Variants in FAM107B observed in about 807,000 individuals in gnomAD.
The protein encoded by FAM107B is protein FAM107B.
In FAM107B, 21 loss-of-function variants were observed where a neutral mutation model predicts 31.5. The observed-to-expected ratio is 0.67, with a 90% confidence interval of 0.47 to 0.96. The LOEUF (loss-of-function observed/expected upper bound fraction) is 0.96, where lower values mean the gene tolerates loss of function less well. Among genes scored for constraint, FAM107B ranks in the 40% least tolerant of loss-of-function variants. The pLI is 0.00. For missense variants in FAM107B, 452 were observed against 377.1 expected (o/e 1.20, Z -1.64); for synonymous variants, 157 against 141.5 (o/e 1.11, Z -0.78).
intron 1 of FAM107B, among the ~76,000 whole-genome samples, chr10:14,749,894 C>T (rs1479213622): frequency 6.6e-6 from 1 of 152,180 alleles, no homozygotes; most frequent in African/African-American, 2.4e-5. Context: ...GAGAATGAAA[C>T]CTAAGGTCAG....
At chr10:14,606,053 T>A (rs1852581342) in intron 2 of FAM107B, among the ~76,000 whole-genome samples, 1 of 152,090 alleles carries the variant, frequency 6.6e-6, no homozygotes, top group African/African-American at 2.4e-5. Context: ...ATGCTCAGTT[T>A]CCTCCTCTGC....
At position 14,756,817 on chromosome 10, in the gene FAM107B, T is replaced by A. The variant is rs12268228; in HGVS notation, c.411+17436A>T. On this transcript the variant is annotated intron_variant, in intron 1 of 4. Transcript: ENST00000181796. ...AAATGTGGTATATATGCACCATGGA[T>A]TACTATGCAGCCATAAAAAGAAACG... Among the ~76,000 whole-genome samples the A allele has an allele frequency of 6.9e-3, 1,052 of 152,248 alleles. 13 individuals are homozygous for A. The highest frequency in any genetic ancestry group is 0.024 in the African/African-American group (1,015 of 41,562).
intron 1 of FAM107B, among the ~76,000 whole-genome samples, chr10:14,699,066 G>T (rs1490663417): frequency 6.6e-6 from 1 of 151,996 alleles, no homozygotes; most frequent in East Asian, 1.9e-4. Flanking sequence ...GGGGGGCAGG[G>T]GTACACTGAA....
chr10:14,628,814 C>G (rs1387705523), intron 2 of FAM107B, among the ~76,000 whole-genome samples: 1 of 152,094 alleles, frequency 6.6e-6, no homozygotes, highest in Non-Finnish European at 1.5e-5. Context: ...GGGAGGATCG[C>G]TTGAGCCTAG....
At chr10:14,527,550 A>G (rs1221358822) in intron 3 of FAM107B, among the ~76,000 whole-genome samples, 2 of 152,238 alleles carry the variant, frequency 1.3e-5, no homozygotes, top group African/African-American at 2.4e-5. Context: ...ATTTCTAAAC[A>G]CTATTTCAAA....
At chr10:14,731,460 G>A (rs780519354) in intron 1 of FAM107B, among the ~76,000 whole-genome samples, 5 of 152,176 alleles carry the variant, frequency 3.3e-5, no homozygotes, top group Non-Finnish European at 5.9e-5. Context: ...TACTTGGAAG[G>A]CTGAGACAGG....
chr10:14,683,090 G>A (rs1854880296), intron 1 of FAM107B, among the ~76,000 whole-genome samples: 4 of 152,140 alleles, frequency 2.6e-5, no homozygotes, highest in Admixed American at 2.0e-4. Flanking sequence ...AAGGTGCAAT[G>A]TGTACTTTTA....
intron 1 of FAM107B, among the ~76,000 whole-genome samples, chr10:14,718,580 C>A (rs1855836713): frequency 6.6e-6 from 1 of 151,964 alleles, no homozygotes; most frequent in South Asian, 2.1e-4. Flanking sequence ...GAATCTCTGA[C>A]CTCACAGCAG....
At chr10:14,766,753 A>G (rs1195597098) in intron 1 of FAM107B, among the ~76,000 whole-genome samples, 1 of 151,606 alleles carries the variant, frequency 6.6e-6, no homozygotes, top group Non-Finnish European at 1.5e-5. Context: ...CTGATTCAGG[A>G]AGATGTAGAA....
At chr10:14,536,601 A>T (rs902578501) in intron 2 of FAM107B, among the ~76,000 whole-genome samples, 5 of 152,222 alleles carry the variant, frequency 3.3e-5, no homozygotes, top group Non-Finnish European at 7.3e-5. Context: ...TTTCATCACA[A>T]ACTCCTGACT....
At chr10:14,603,941 G>A (rs1852493279) in intron 2 of FAM107B, among the ~76,000 whole-genome samples, 1 of 149,896 alleles carries the variant, frequency 6.7e-6, no homozygotes, top group South Asian at 2.1e-4. Context: ...GCAGCGCCGA[G>A]AAGGCAACAA....
chr10:14,664,961 C>T (rs1180967309), intron 2 of FAM107B, among the ~76,000 whole-genome samples: 2 of 152,194 alleles, frequency 1.3e-5, no homozygotes, highest in African/African-American at 2.4e-5. Flanking sequence ...CAAAGACACA[C>T]ATTTAGGAAT....
At chr10:14,706,072 GTT>G (rs1287615063) in intron 1 of FAM107B, among the ~76,000 whole-genome samples, 1 of 152,182 alleles carries the variant, frequency 6.6e-6, no homozygotes, top group African/African-American at 2.4e-5. Flanking sequence ...CTACAACTCT[GTT>G]GAACAGAGGA....
chr10:14,736,855 C>A (rs1464387735), intron 1 of FAM107B, among the ~76,000 whole-genome samples: 1 of 152,164 alleles, frequency 6.6e-6, no homozygotes, highest in African/African-American at 2.4e-5. Context: ...GCAAACAGAA[C>A]AGCAGTTGAA....
chr10:14,729,066 C>T (rs933956322), intron 1 of FAM107B, among the ~76,000 whole-genome samples: 1 of 152,094 alleles, frequency 6.6e-6, no homozygotes, highest in Admixed American at 6.5e-5. Flanking sequence ...ATTCATAACT[C>T]AATGCAGCCT....
At chr10:14,683,126 G>A (rs568413741) in intron 1 of FAM107B, among the ~76,000 whole-genome samples, 4 of 152,258 alleles carry the variant, frequency 2.6e-5, no homozygotes, top group Admixed American at 1.3e-4. Context: ...CACGCCATCC[G>A]CCTGGCTCGG....
chr10:14,608,580 C>T (rs1852649501), intron 2 of FAM107B, among the ~76,000 whole-genome samples: 1 of 152,194 alleles, frequency 6.6e-6, no homozygotes, highest in African/African-American at 2.4e-5. Context: ...CAGCTGTCAG[C>T]TCAGGCATCT....
chr10:14,697,206 C>T (rs1431498821), intron 1 of FAM107B, among the ~76,000 whole-genome samples: 1 of 152,206 alleles, frequency 6.6e-6, no homozygotes, highest in Non-Finnish European at 1.5e-5. Context: ...CTGGAAAGGG[C>T]TGCCACATTG....
intron 1 of FAM107B, among the ~76,000 whole-genome samples, chr10:14,707,549 TC>T (rs1301422059): frequency 6.6e-6 from 1 of 152,146 alleles, no homozygotes; most frequent in East Asian, 1.9e-4. Flanking sequence ...AAAAGGCCCT[TC>T]TCCCACTTTG....
Sources: allele counts gnomAD v4.1 joint callset (sites outside exome capture counted in the v4.1 genomes callset), GRCh38; gene constraint gnomAD v4.1.1; transcripts MANE v1.5; gene names NCBI Gene and HGNC (gene_info 2026-07-23, HGNC 2026-07-21).